Variants in NDUFA5 observed in about 807,000 individuals in gnomAD.
The protein encoded by NDUFA5 is NADH dehydrogenase [ubiquinone] 1 alpha subcomplex subunit 5.
NDUFA5 carries 11 observed loss-of-function variants against 19.8 expected under a neutral mutation model. The ratio of observed to expected loss-of-function variants is 0.56; its 90% confidence interval spans 0.35 to 0.92. The LOEUF (loss-of-function observed/expected upper bound fraction) is 0.92. NDUFA5 is among the 40% of genes least tolerant of loss of function. The pLI is 0.01. For synonymous variants in NDUFA5, 47 were observed against 46.8 expected (o/e 1.00, Z -0.01); for missense variants, 109 against 134.2 (o/e 0.81, Z 0.93).
upstream of NDUFA5, among the ~76,000 whole-genome samples, chr7:123,561,607 CA>C (rs978510018): frequency 8.4e-6 from 1 of 118,516 alleles, no homozygotes; most frequent in African/African-American, 3.4e-5. Context: ...CATGAATCAC[CA>C]ATTTTTTTTT....
chr7:123,581,534 A>G, the NDUFA5 span, among the ~76,000 whole-genome samples: 1 of 151,020 alleles, frequency 6.6e-6, no homozygotes, highest in Non-Finnish European at 1.5e-5. Flanking sequence ...ATCTTTTTTG[A>G]TGTGTCATGT....
the NDUFA5 span, among the ~76,000 whole-genome samples, chr7:123,601,132 G>C: frequency 6.6e-6 from 1 of 152,096 alleles, no homozygotes; most frequent in South Asian, 2.1e-4. Flanking sequence ...AAGGATAGCT[G>C]TGTCAAAACA....
the NDUFA5 span, chr7:123,584,795 T>G: frequency 6.6e-6 from 1 of 151,938 alleles, no homozygotes; most frequent in Non-Finnish European, 1.5e-5. Flanking sequence ...TATTCAAGAC[T>G]TCAGTAAAAC....
At chr7:123,590,120 T>C in the NDUFA5 span, among the ~76,000 whole-genome samples, 1 of 152,320 alleles carries the variant, frequency 6.6e-6, no homozygotes, top group Non-Finnish European at 1.5e-5. Context: ...AATGTCTTCT[T>C]TTGAGAAGTG....
chr7:123,557,100 G>C (rs541193409), intron 2 of NDUFA5: 8 of 600,186 alleles, frequency 1.3e-5, no homozygotes, highest in South Asian at 1.2e-4. Context: ...AAGGAGAAAA[G>C]ATGGAAAACG....
intron 3 of NDUFA5, among the ~76,000 whole-genome samples, chr7:123,546,445 T>C (rs1393932925): frequency 3.3e-5 from 5 of 152,214 alleles, no homozygotes; most frequent in Non-Finnish European, 7.3e-5. Flanking sequence ...ACATTTGTAA[T>C]GTATATAATT....
the NDUFA5 span, among the ~76,000 whole-genome samples, chr7:123,573,345 G>A: frequency 2.2e-5 from 3 of 135,938 alleles, no homozygotes; most frequent in Non-Finnish European, 3.0e-5. Flanking sequence ...AATGCTCATC[G>A]TAAGTGGAAT....
At chr7:123,589,697 C>T in the NDUFA5 span, among the ~76,000 whole-genome samples, 2,340 of 152,196 alleles carry the variant, frequency 0.015, 67 homozygotes, top group African/African-American at 0.053. Context: ...ATATGTGCCA[C>T]ATTTTCTTTA....
chr7:123,582,587 G>C, the NDUFA5 span, among the ~76,000 whole-genome samples: 2 of 151,868 alleles, frequency 1.3e-5, no homozygotes, highest in Admixed American at 6.6e-5. Flanking sequence ...ATTCCCCCCA[G>C]ATATGCCATT....
chr7:123,585,257 T>G, the NDUFA5 span, among the ~76,000 whole-genome samples: 1 of 151,724 alleles, frequency 6.6e-6, no homozygotes, highest in Non-Finnish European at 1.5e-5. Context: ...ATTGAAAAAT[T>G]TGTTGTTTCT....
the NDUFA5 span, among the ~76,000 whole-genome samples, chr7:123,595,141 C>T: frequency 6.6e-6 from 1 of 152,194 alleles, no homozygotes; most frequent in East Asian, 1.9e-4. Context: ...TGACACTTAT[C>T]CTAAATGACA....
chr7:123,567,954 TG>T, the NDUFA5 span, among the ~76,000 whole-genome samples: 2 of 152,208 alleles, frequency 1.3e-5, no homozygotes, highest in African/African-American at 2.4e-5. Flanking sequence ...GATTTTTACC[TG>T]TTTTTTTTCT....
At chr7:123,548,988 C>A (rs926046127) in intron 3 of NDUFA5, among the ~76,000 whole-genome samples, 1 of 151,214 alleles carries the variant, frequency 6.6e-6, no homozygotes, top group East Asian at 1.9e-4. Flanking sequence ...TACAGTATAA[C>A]TACTTACACA....
the NDUFA5 span, chr7:123,598,863 G>A: frequency 2.0e-5 from 3 of 152,232 alleles, no homozygotes; most frequent in African/African-American, 2.4e-5. Context: ...ATTCTTCCAG[G>A]GGCCTGTGAC....
chr7:123,561,905 C>T (rs984765836), upstream of NDUFA5, among the ~76,000 whole-genome samples: 1 of 151,712 alleles, frequency 6.6e-6, no homozygotes, highest in Non-Finnish European at 1.5e-5. Context: ...CATGAATCAC[C>T]AAATCTTTTT....
At chr7:123,590,178 T>A in the NDUFA5 span, among the ~76,000 whole-genome samples, 1 of 152,190 alleles carries the variant, frequency 6.6e-6, no homozygotes, top group Non-Finnish European at 1.5e-5. Flanking sequence ...TTTGTTTTTT[T>A]TCCTGTAAAT....
chr7:123,542,952 A>T (rs1226786146), intron 4 of NDUFA5, among the ~76,000 whole-genome samples: 1 of 152,206 alleles, frequency 6.6e-6, no homozygotes, highest in African/African-American at 2.4e-5. Flanking sequence ...GCCAACTTAT[A>T]AGATGAATAC....
rs1156446601 is a variant in NDUFA5, at chr7:123,539,411, C to T, written c.*2708G>A. 6.6e-6 allele frequency: 1 copy of T among 152,226 alleles called. No homozygotes were observed. The highest frequency in any genetic ancestry group is 1.5e-5 in the Non-Finnish European group (1 of 68,032). The allele number at this position is 152,226 out of a possible 1,614,324, so 9.4% of individuals were successfully genotyped here. A position where few individuals can be genotyped will look rare whatever the true frequency, so the allele number is the denominator to read the frequency against. ...TCCCAGTGTGGGAGAAAGGGGGCATCAACTTTGTTGCCATTTCTTCTTTCT... is the reference window on the plus strand; with the variant it reads ...TCCCAGTGTGGGAGAAAGGGGGCATTAACTTTGTTGCCATTTCTTCTTTCT... On this transcript the variant is annotated 3_prime_UTR_variant, in exon 5 of 5. Coordinates refer to ENST00000355749, the MANE Select transcript of NDUFA5 (RefSeq NM_005000.5).
At chr7:123,566,017 TA>T in the NDUFA5 span, among the ~76,000 whole-genome samples, 868 of 129,452 alleles carry the variant, frequency 6.7e-3, 4 homozygotes, top group African/African-American at 0.018. Flanking sequence ...AGACTCCGTC[TA>T]AAAAAAAAAA....
Sources: allele counts gnomAD v4.1 joint callset (sites outside exome capture counted in the v4.1 genomes callset), GRCh38; gene constraint gnomAD v4.1.1; transcripts MANE v1.5; gene names NCBI Gene and HGNC (gene_info 2026-07-23, HGNC 2026-07-21).